Variants in KCNIP1 observed in about 807,000 individuals in gnomAD.
KCNIP1 encodes potassium voltage-gated channel interacting protein 1, also known as A-type potassium channel modulatory protein KCNIP1.
A neutral mutation model predicts 33.0 loss-of-function variants in KCNIP1; 18 were observed. The observed-to-expected ratio is 0.55, with a 90% CI of 0.38 to 0.81. The LOEUF (loss-of-function observed/expected upper bound fraction) is 0.81. Ranked by LOEUF, KCNIP1 falls within the 30% of genes least tolerant of loss-of-function variation. KCNIP1 has a pLI of 0.00. For missense variants in KCNIP1, 238 were observed against 271.6 expected, an observed-to-expected ratio of 0.88 and a Z score of 0.87; for synonymous variants, 93 against 98.3, an observed-to-expected ratio of 0.95 and a Z score of 0.32.
chr5:170,454,692 T>G (rs1756332683), intron 1 of KCNIP1, among the ~76,000 whole-genome samples: 1 of 152,256 alleles, frequency 6.6e-6, no homozygotes, highest in Admixed American at 6.5e-5. Flanking sequence ...GTTGGAAATA[T>G]TTCAGAATTA....
chr5:170,653,862 G>A (rs1410172543), intron 1 of KCNIP1, among the ~76,000 whole-genome samples: 2 of 152,014 alleles, frequency 1.3e-5, no homozygotes, highest in Non-Finnish European at 2.9e-5. Flanking sequence ...CCTGGGCCAA[G>A]CAACTGGTGG....
intron 1 of KCNIP1, among the ~76,000 whole-genome samples, chr5:170,716,103 G>C (rs1763636813): frequency 6.6e-6 from 1 of 152,236 alleles, no homozygotes; most frequent in South Asian, 2.1e-4. Context: ...GAAAGGGAAG[G>C]GAGAGCTGAT....
At chr5:170,376,075 T>A (rs1181141022) in intron 1 of KCNIP1, 1 of 149,238 alleles carries the variant, frequency 6.7e-6, no homozygotes, top group African/African-American at 2.5e-5. Flanking sequence ...TGGCACAGAA[T>A]AAATAAGCAC....
chr5:170,731,693 C>CAAAAAAAA (rs1162447420), intron 5 of KCNIP1, among the ~76,000 whole-genome samples: 1 of 96,768 alleles, frequency 1.0e-5, no homozygotes, highest in Non-Finnish European at 2.1e-5. Flanking sequence ...GAACCTGTCT[C>CAAAAAAAA]AAAAAAAAAA....
At chr5:170,451,767 G>GTGTA (rs1388184279) in intron 1 of KCNIP1, among the ~76,000 whole-genome samples, 1 of 150,560 alleles carries the variant, frequency 6.6e-6, no homozygotes, top group African/African-American at 2.5e-5. Context: ...GTGTGTGTGT[G>GTGTA]TGTTTGCAGG....
chr5:170,601,397 C>A (rs185165165), intron 1 of KCNIP1, among the ~76,000 whole-genome samples: 1 of 152,344 alleles, frequency 6.6e-6, no homozygotes, highest in South Asian at 2.1e-4. Flanking sequence ...CATCCGGGAG[C>A]TGGACTAGAA....
intron 1 of KCNIP1, among the ~76,000 whole-genome samples, chr5:170,678,039 G>T (rs1762208822): frequency 6.6e-6 from 1 of 152,186 alleles, no homozygotes; most frequent in South Asian, 2.1e-4. Context: ...TTCCATGAGT[G>T]CCCCAATTAG....
chr5:170,443,238 C>A (rs1182161321), intron 1 of KCNIP1, among the ~76,000 whole-genome samples: 1 of 151,108 alleles, frequency 6.6e-6, no homozygotes, highest in Non-Finnish European at 1.5e-5. Flanking sequence ...TCATTCCCCA[C>A]CCCCCGGCCC....
chr5:170,621,549 C>G (rs185684057), intron 1 of KCNIP1, among the ~76,000 whole-genome samples: 1 of 152,276 alleles, frequency 6.6e-6, no homozygotes, highest in Non-Finnish European at 1.5e-5. Flanking sequence ...ATTGCTCTGT[C>G]ACCCAGGCTG....
In KCNIP1 at chr5:170,367,389, GAAA is replaced by G. The variant is rs1426280897; in HGVS notation, c.88+13426_88+13428del. 2.4e-4 allele frequency among the ~76,000 whole-genome samples: 28 copies of G among 118,658 alleles called. 2 individuals are homozygous for G. Among genetic ancestry groups the G allele is most frequent in the South Asian group, 1.6e-3 (6 of 3,764 alleles). The allele number at this position is 118,658 out of a possible 152,430, so 77.8% of individuals were successfully genotyped here. On this transcript the variant is annotated intron_variant, in intron 1 of 7. Transcript: ENST00000377360. ...AGAAAGAAAGAAAGAAAGAAAGAAA[GAAA>G]GAAAGAAAGAAAGAAAGAAAGAAAG...
chr5:170,390,870 C>A (rs968929953), intron 1 of KCNIP1, among the ~76,000 whole-genome samples: 2 of 152,064 alleles, frequency 1.3e-5, no homozygotes, highest in Admixed American at 6.6e-5. Flanking sequence ...GTGGGTGCAG[C>A]CTGGCCTTCC....
chr5:170,658,090 A>G (rs1401859415), intron 1 of KCNIP1, among the ~76,000 whole-genome samples: 2 of 152,218 alleles, frequency 1.3e-5, no homozygotes, highest in African/African-American at 4.8e-5. Flanking sequence ...GTATAAGCAA[A>G]TACTCAGACC....
intron 1 of KCNIP1, among the ~76,000 whole-genome samples, chr5:170,460,217 G>T (rs1024445641): frequency 3.9e-5 from 6 of 151,974 alleles, no homozygotes; most frequent in Non-Finnish European, 8.8e-5. Context: ...CAATAAAAAA[G>T]TCCAGGACCA....
At chr5:170,664,731 C>CA (rs1361994441) in intron 1 of KCNIP1, among the ~76,000 whole-genome samples, 1 of 151,946 alleles carries the variant, frequency 6.6e-6, no homozygotes, top group East Asian at 1.9e-4. Flanking sequence ...GGGAGCAAAG[C>CA]AAAAAGACAA....
chr5:170,726,127 T>G (rs1024727832), intron 5 of KCNIP1, among the ~76,000 whole-genome samples: 5 of 152,174 alleles, frequency 3.3e-5, no homozygotes, highest in African/African-American at 7.2e-5. Context: ...AGTTAAAAAT[T>G]TTGTGCTTTA....
upstream of KCNIP1, among the ~76,000 whole-genome samples, chr5:170,499,836 C>A (rs1757377701): frequency 6.6e-6 from 1 of 152,196 alleles, no homozygotes; most frequent in African/African-American, 2.4e-5. Flanking sequence ...GCAGGTCTGA[C>A]AATCTCACTC....
At chr5:170,570,436 T>C (rs971239360) in intron 1 of KCNIP1, among the ~76,000 whole-genome samples, 2 of 152,182 alleles carry the variant, frequency 1.3e-5, no homozygotes, top group Non-Finnish European at 2.9e-5. Flanking sequence ...TTCAAATTCA[T>C]ACTCTCTCCC....
At chr5:170,626,996 G>A (rs1020623631) in intron 1 of KCNIP1, among the ~76,000 whole-genome samples, 1 of 152,208 alleles carries the variant, frequency 6.6e-6, no homozygotes, top group South Asian at 2.1e-4. Flanking sequence ...GACAGGGACA[G>A]GGAGATGGGA....
intron 1 of KCNIP1, among the ~76,000 whole-genome samples, chr5:170,409,190 G>A (rs1481875060): frequency 6.6e-6 from 1 of 152,202 alleles, no homozygotes; most frequent in African/African-American, 2.4e-5. Context: ...TCAAGACTGT[G>A]CCATTCCTCT....
Sources: gnomAD v4.1 joint callset for allele counts (sites outside exome capture counted in the v4.1 genomes callset) on GRCh38, gnomAD v4.1.1 for gene constraint, MANE v1.5 for transcripts, NCBI Gene and HGNC (gene_info 2026-07-23, HGNC 2026-07-21) for gene names.